The following SCGB1D4 variants were observed in gnomAD, a reference collection of about 807,000 sequenced individuals.
SCGB1D4 encodes secretoglobin family 1D member 4.
Under a neutral mutation model 8.1 loss-of-function variants are expected in SCGB1D4, and 6 were observed. The observed-to-expected ratio is 0.74, with a 90% confidence interval of 0.40 to 1.45. SCGB1D4 has a LOEUF of 1.45. Ranked by LOEUF, SCGB1D4 falls within the 40% of genes most tolerant of loss-of-function variation. SCGB1D4 has a pLI of 0.02. For synonymous variants in SCGB1D4, 34 were observed against 38.1 expected (o/e 0.89, Z 0.39); for missense variants, 93 against 95.0 (o/e 0.98, Z 0.09).
chr11:62,296,385 A>G lies in SCGB1D4; in HGVS notation c.*25T>C, dbSNP rs766501018. 1.2e-6 allele frequency: 2 copies of G among 1,609,210 alleles called. No individual in the cohort carries two copies. Among genetic ancestry groups the G allele is most frequent in the South Asian group, 2.2e-5 (2 of 90,772 alleles). On this transcript the variant is annotated 3_prime_UTR_variant, in exon 3 of 3. Transcript: ENST00000358585. The stretch of plus-strand genomic sequence containing the variant: ...TTTGGAAACCAGGTTGAGCATTTTT[A>G]CATGTCACACACCACATTTTTTCAC...
intron 2 of SCGB1D4, 133 bp from the exon 3 acceptor site, chr11:62,296,552 C>A: frequency 1.1e-6 from 1 of 888,404 alleles, no homozygotes; most frequent in Non-Finnish European, 1.7e-6. Flanking sequence ...GGCAAGAATT[C>A]AGTTTGGGAA....
intron 2 of SCGB1D4, among the ~76,000 whole-genome samples, 172 bp from the exon 3 acceptor site, chr11:62,296,591 A>T (rs1945443102): frequency 6.6e-6 from 1 of 152,180 alleles, no homozygotes; most frequent in Non-Finnish European, 1.5e-5. Flanking sequence ...TGGCCTTACA[A>T]CACCCATTCT....
At chr11:62,298,087 C>T (rs1945459493) in intron 1 of SCGB1D4, among the ~76,000 whole-genome samples, 1 of 145,712 alleles carries the variant, frequency 6.9e-6, no homozygotes, top group South Asian at 2.2e-4. Context: ...GGGGTTTCGC[C>T]ATGTTGCCCA....
At chr11:62,298,029 T>C (rs1590682640) in intron 1 of SCGB1D4, among the ~76,000 whole-genome samples, 1 of 147,660 alleles carries the variant, frequency 6.8e-6, no homozygotes. Context: ...TGTGTGTGTG[T>C]GTGTGTGTGT....
rs755664424 is a variant in SCGB1D4, at chr11:62,296,427, C to G, written c.243-8G>C. On this transcript the variant is annotated splice_region_variant and splice_polypyrimidine_tract_variant and intron_variant, in intron 2 of 2. Coordinates refer to ENST00000358585, the MANE Select transcript of SCGB1D4 (RefSeq NM_206998.2). ...TTTTTTCACTATTTCCACCTGAAATCAAAAAAAAGAAAGAAAGAAAGAAAG... is the reference window on the plus strand; with the variant it reads ...TTTTTTCACTATTTCCACCTGAAATGAAAAAAAAGAAAGAAAGAAAGAAAG... 1 of 1,591,524 alleles carries G rather than the reference C, an allele frequency of 6.3e-7. No individual in the cohort carries two copies. Among genetic ancestry groups the G allele is most frequent in the East Asian group, 2.2e-5 (1 of 44,572 alleles).
chr11:62,298,525 G>A (rs4287342), intron 1 of SCGB1D4, among the ~76,000 whole-genome samples: 54,814 of 151,940 alleles, frequency 0.36, 11,423 homozygotes, highest in Middle Eastern at 0.49. Flanking sequence ...TTAGGAGGCC[G>A]AGGCGGGCAG....
At position 62,297,546 on chromosome 11, in the gene SCGB1D4, A is replaced by C. The variant is rs768005000; in HGVS notation, c.168T>G (p.Leu56=). ...AGTGCTTCACTTCCAACTTGGCTGC[A>C]AGAGCTTCTGGAGGTGGATTAAGTT... The part of the protein sequence containing the change: ...VAKLNPPPEA[L]AAKLEVKHCT... The change falls in exon 2 of 3, where the codon CTT becomes CTG. Residue 56 remains leucine, a synonymous_variant. Coordinates refer to ENST00000358585, the MANE Select transcript of SCGB1D4 (RefSeq NM_206998.2). 1.1e-5 allele frequency: 17 copies of C among 1,614,152 alleles called. No individual in the cohort carries two copies. In the South Asian group the frequency reaches 1.9e-4, roughly 18 times the overall value.
At chr11:62,296,565 T>G (rs1945442925) in intron 2 of SCGB1D4, 146 bp from the exon 3 acceptor site, 4 of 781,758 alleles carry the variant, frequency 5.1e-6, no homozygotes, top group Non-Finnish European at 8.3e-6. Context: ...TTTGGGAAAC[T>G]GAGGCCTAGA....
At chr11:62,298,917 C>A (rs1170236627) in intron 1 of SCGB1D4, 39 bp downstream of exon 1, 3 of 1,605,256 alleles carry the variant, frequency 1.9e-6, no homozygotes, top group Admixed American at 1.7e-5. Context: ...GAGGGTGCAT[C>A]CCAGGGGCTG....
At chr11:62,297,753 CTA>C (rs1282371375) in intron 1 of SCGB1D4, 95 bp from the exon 2 acceptor site, 6 of 940,446 alleles carry the variant, frequency 6.4e-6, no homozygotes, top group Non-Finnish European at 9.7e-6. Context: ...CCCCTGGGTT[CTA>C]TGTTTCTATA....
At chr11:62,296,562 A>T in intron 2 of SCGB1D4, 143 bp from the exon 3 acceptor site, 1 of 796,188 alleles carries the variant, frequency 1.3e-6, no homozygotes, top group Non-Finnish European at 2.0e-6. Flanking sequence ...CAGTTTGGGA[A>T]ACTGAGGCCT....
intron 2 of SCGB1D4, among the ~76,000 whole-genome samples, chr11:62,297,267 G>T (rs917863050): frequency 2.6e-5 from 4 of 152,190 alleles, no homozygotes; most frequent in African/African-American, 9.7e-5. Context: ...ACTGCGTGAG[G>T]GTAGGTTGAC....
chr11:62,297,245 G>A (rs1467503395), intron 2 of SCGB1D4, among the ~76,000 whole-genome samples: 1 of 152,182 alleles, frequency 6.6e-6, no homozygotes, highest in African/African-American at 2.4e-5. Flanking sequence ...ACATCCCATA[G>A]TGACCGTGTC....
chr11:62,298,797 C>T (rs554784470), intron 1 of SCGB1D4, among the ~76,000 whole-genome samples, 159 bp downstream of exon 1: 240 of 150,958 alleles, frequency 1.6e-3, no homozygotes, highest in African/African-American at 5.1e-3. Flanking sequence ...GAAGAAATAG[C>T]TCTAACCTTT....
chr11:62,297,088 A>G (rs1945446411), intron 2 of SCGB1D4, among the ~76,000 whole-genome samples: 1 of 152,140 alleles, frequency 6.6e-6, no homozygotes, highest in South Asian at 2.1e-4. Context: ...TGAGGAGTGG[A>G]TAGTGGGCCC....
At chr11:62,298,734 G>T (rs1325039765) in intron 1 of SCGB1D4, among the ~76,000 whole-genome samples, 2 of 142,136 alleles carry the variant, frequency 1.4e-5, no homozygotes, top group African/African-American at 5.4e-5. Flanking sequence ...ACTCCAGCCT[G>T]GGCAACAAGA....
At chr11:62,297,372 G>C (rs4280004) in intron 2 of SCGB1D4, 100 bp downstream of exon 2, 352,065 of 971,530 alleles carry the variant, frequency 0.36, 66,952 homozygotes, top group South Asian at 0.39. Flanking sequence ...AGCACACTCT[G>C]GGGACACAGC....
At chr11:62,297,288 A>G (rs1184899897) in intron 2 of SCGB1D4, among the ~76,000 whole-genome samples, 184 bp downstream of exon 2, 1 of 152,158 alleles carries the variant, frequency 6.6e-6, no homozygotes, top group Admixed American at 6.5e-5. Context: ...CTCAGGAAAG[A>G]TCCCAGCAGG....
chr11:62,296,436 G>C lies in SCGB1D4; in HGVS notation c.243-17C>G. The stretch of plus-strand genomic sequence containing the variant: ...TATTTCCACCTGAAATCAAAAAAAA[G>C]AAAGAAAGAAAGAAAGGTGAGGTCA... On this transcript the variant is annotated splice_polypyrimidine_tract_variant and intron_variant, in intron 2 of 2. Coordinates refer to ENST00000358585, the MANE Select transcript of SCGB1D4 (RefSeq NM_206998.2). 2 of 1,547,254 alleles carry C rather than the reference G, an allele frequency of 1.3e-6. No individual in the cohort carries two copies. The highest frequency in any genetic ancestry group is 1.8e-6 in the Non-Finnish European group (2 of 1,126,690).
Sources: allele counts gnomAD v4.1 joint callset (sites outside exome capture counted in the v4.1 genomes callset), GRCh38; gene constraint gnomAD v4.1.1; transcripts MANE v1.5; gene names NCBI Gene and HGNC (gene_info 2026-07-23, HGNC 2026-07-21).